GRIP1: variants seen among roughly 807,000 people sequenced by gnomAD.
The protein encoded by GRIP1 is glutamate receptor-interacting protein 1.
GRIP1 carries 45 observed loss-of-function variants against 129.9 expected under a neutral mutation model. That is an observed-to-expected ratio of 0.35 (90% CI 0.27 to 0.44). GRIP1 has a LOEUF of 0.44. GRIP1 is among the 20% of genes least tolerant of loss of function. The pLI is 1.00. For missense variants in GRIP1, 1,196 were observed against 1,396.8 expected (o/e 0.86, Z 2.29); for synonymous variants, 530 against 520.8 (o/e 1.02, Z -0.24).
chr12:67,013,278 A>C (rs1380288465), intron 1 of GRIP1, among the ~76,000 whole-genome samples: 1 of 152,212 alleles, frequency 6.6e-6, no homozygotes, highest in African/African-American at 2.4e-5. Flanking sequence ...GTTTTAAGTC[A>C]GAGCTATGAG....
chr12:66,578,232 G>GTTTTTTTTTTTTTTTTTTTTT (rs547352236), intron 2 of GRIP1, among the ~76,000 whole-genome samples: 1 of 102,514 alleles, frequency 9.8e-6, no homozygotes. Flanking sequence ...CAAAACCGCG[G>GTTTTTTTTTTTTTTTTTTTTT]TTTTTTTTTT....
Position 66,872,439 on chromosome 12 carries a change from T to G in GRIP1, c.58+196611A>C, listed in dbSNP as rs553514781. Among the ~76,000 whole-genome samples the G allele has an allele frequency of 2.0e-5, 3 of 152,168 alleles. No individual in the cohort carries two copies. The South Asian group carries it at 6.2e-4, about 32-fold the overall frequency. On this transcript the variant is annotated intron_variant, in intron 1 of 1. Coordinates refer to the GRIP1 transcript ENST00000643019. The stretch of plus-strand genomic sequence containing the variant: ...ATTAAATTCCAACCCTCCCTGACAA[T>G]TCTGTGAGCTATAGAATTTATTTAT...
At chr12:66,447,220 TTAA>T (rs148904664) in intron 11 of GRIP1, among the ~76,000 whole-genome samples, 11,780 of 152,106 alleles carry the variant, frequency 0.077, 1,243 homozygotes, top group African/African-American at 0.23. Flanking sequence ...GGTGAGCATT[TTAA>T]TAATGCATCT....
intron 1 of GRIP1, among the ~76,000 whole-genome samples, chr12:66,850,427 T>C (rs574567124): frequency 1.7e-4 from 26 of 152,120 alleles, no homozygotes; most frequent in African/African-American, 6.0e-4. Context: ...TAGTAAACCA[T>C]CAACTTACTG....
In GRIP1 at chr12:66,701,688, T is replaced by C. The variant is rs913191914; in HGVS notation, c.-419-71352A>G. Among the ~76,000 whole-genome samples the C allele has an allele frequency of 5.3e-5, 8 of 152,302 alleles. No homozygotes were observed. The East Asian group carries it at 1.4e-3, about 26-fold the overall frequency. On this transcript the variant is annotated intron_variant, in intron 1 of 4. Coordinates refer to the GRIP1 transcript ENST00000538373. ...TTAACCTCAAGTTGTTTCATAAATA[T>C]AAGCCATGTCTCCTTAACAGCAATG...
chr12:66,646,559 C>A (rs1486996109), intron 1 of GRIP1, among the ~76,000 whole-genome samples: 1 of 152,156 alleles, frequency 6.6e-6, no homozygotes, highest in Admixed American at 6.5e-5. Flanking sequence ...GGAACATAAG[C>A]CTTGCTAGGT....
At chr12:67,056,771 T>C (rs1220452282) in intron 1 of GRIP1, among the ~76,000 whole-genome samples, 3 of 152,156 alleles carry the variant, frequency 2.0e-5, no homozygotes, top group Non-Finnish European at 2.9e-5. Flanking sequence ...CACTGAATAA[T>C]CTTCCTGTTA....
chr12:66,478,511 A>G (rs1328989491), intron 7 of GRIP1, among the ~76,000 whole-genome samples: 1 of 152,182 alleles, frequency 6.6e-6, no homozygotes, highest in Non-Finnish European at 1.5e-5. Flanking sequence ...CATTTGACCC[A>G]GCCATCCCAT....
At chr12:66,447,160 G>T (rs1030319180) in intron 11 of GRIP1, among the ~76,000 whole-genome samples, 1 of 152,136 alleles carries the variant, frequency 6.6e-6, no homozygotes, top group Admixed American at 6.5e-5. Flanking sequence ...CATTGTCTTC[G>T]CCCACTGGCT....
At chr12:66,467,725 G>C (rs192064808) in intron 7 of GRIP1, among the ~76,000 whole-genome samples, 7 of 152,186 alleles carry the variant, frequency 4.6e-5, no homozygotes, top group African/African-American at 1.7e-4. Flanking sequence ...CCTTAAGCAC[G>C]CTGCATAGCA....
intron 1 of GRIP1, among the ~76,000 whole-genome samples, chr12:66,963,154 C>CA (rs1191622945): frequency 5.3e-5 from 8 of 149,848 alleles, no homozygotes; most frequent in East Asian, 1.9e-4. Context: ...CACAAACAAA[C>CA]AAAAAAAAAC....
At chr12:66,349,811 G>T (rs2137053357) in intron 24 of GRIP1, among the ~76,000 whole-genome samples, 1 of 114,942 alleles carries the variant, frequency 8.7e-6, no homozygotes, top group South Asian at 2.8e-4. Context: ...GTGAGACCCT[G>T]TCTCTACTAA....
intron 1 of GRIP1, among the ~76,000 whole-genome samples, chr12:66,608,949 AT>A (rs2064668376): frequency 1.4e-5 from 2 of 143,028 alleles, no homozygotes; most frequent in Non-Finnish European, 3.1e-5. Flanking sequence ...TATTATTATT[AT>A]TATTATTATA....
At chr12:67,038,256 A>T (rs768375660) in intron 1 of GRIP1, among the ~76,000 whole-genome samples, 2 of 152,230 alleles carry the variant, frequency 1.3e-5, no homozygotes, top group Non-Finnish European at 2.9e-5. Context: ...AAGGACGTGG[A>T]CAGGATCCTG....
At chr12:66,604,804 A>T (rs1156541798) in intron 1 of GRIP1, among the ~76,000 whole-genome samples, 3 of 152,184 alleles carry the variant, frequency 2.0e-5, no homozygotes, top group Non-Finnish European at 4.4e-5. Context: ...AGTAATGAGT[A>T]CTGGCTATTT....
intron 1 of GRIP1, among the ~76,000 whole-genome samples, chr12:66,909,614 G>T (rs963860093): frequency 3.9e-5 from 6 of 152,144 alleles, no homozygotes; most frequent in African/African-American, 1.4e-4. Flanking sequence ...TTTACTAAGT[G>T]CCTAAAGAAT....
At chr12:66,365,589 T>C (rs1168338) in intron 23 of GRIP1, among the ~76,000 whole-genome samples, 76,389 of 152,140 alleles carry the variant, frequency 0.5, 19,728 homozygotes, top group African/African-American at 0.58. Flanking sequence ...CAAACTCCAA[T>C]CCTTGTTCCA....
At chr12:66,838,945 G>A (rs2039666183) in intron 1 of GRIP1, among the ~76,000 whole-genome samples, 1 of 152,114 alleles carries the variant, frequency 6.6e-6, no homozygotes, top group South Asian at 2.1e-4. Flanking sequence ...CAGAGTAGGG[G>A]CAGAAACAAT....
intron 19 of GRIP1, among the ~76,000 whole-genome samples, chr12:66,383,132 A>G (rs1190710279): frequency 6.6e-6 from 1 of 152,064 alleles, no homozygotes; most frequent in Non-Finnish European, 1.5e-5. Flanking sequence ...GCCCATCACT[A>G]CTAAAAATAC....
Sources: gnomAD v4.1 joint callset for allele counts (sites outside exome capture counted in the v4.1 genomes callset) on GRCh38, gnomAD v4.1.1 for gene constraint, MANE v1.5 for transcripts, NCBI Gene and HGNC (gene_info 2026-07-23, HGNC 2026-07-21) for gene names.